The following LRRTM4 variants were observed in gnomAD, a reference collection of about 807,000 sequenced individuals.
LRRTM4 encodes the protein leucine rich repeat transmembrane neuronal 4.
LRRTM4 carries 25 observed loss-of-function variants against 47.6 expected under a neutral mutation model. That is an observed-to-expected ratio of 0.53 (90% CI 0.38 to 0.73). The LOEUF is 0.73. LRRTM4 is among the 30% of genes least tolerant of loss of function. The pLI, the probability that LRRTM4 is intolerant of heterozygous loss-of-function variation, is 0.00. For missense variants in LRRTM4, 638 were observed against 713.4 expected (o/e 0.89, Z 1.20); for synonymous variants, 311 against 269.5 (o/e 1.15, Z -1.51).
rs202070655 is a variant in LRRTM4, at chr2:77,092,540, G to A, written c.1552-343624C>T. ...CTACTACTCCTCAGGGATTATTCAG[G>A]CCCCCTCCTTTCCCTACACATCAAG... On this transcript the variant is annotated intron_variant, in intron 3 of 3. Transcript: ENST00000409884. Among the ~76,000 whole-genome samples, 87 of 136,582 alleles carry A rather than the reference G, an allele frequency of 6.4e-4. 2 individuals carry two copies. Among genetic ancestry groups the A allele is most frequent in the East Asian group, 7.8e-4 (3 of 3,840 alleles). 89.6% of individuals were successfully genotyped at this position (136,582 alleles called of 152,430 possible).
intron 3 of LRRTM4, among the ~76,000 whole-genome samples, chr2:77,446,556 A>G (rs116501427): frequency 0.013 from 2,026 of 152,224 alleles, 36 homozygotes; most frequent in African/African-American, 0.047. Context: ...TGCAATAATT[A>G]GCCCTTTGTG....
intron 3 of LRRTM4, among the ~76,000 whole-genome samples, chr2:77,020,852 A>T (rs1678241641): frequency 6.6e-6 from 1 of 152,286 alleles, no homozygotes; most frequent in African/African-American, 2.4e-5. Flanking sequence ...ACCAAGGATC[A>T]TTTTCTGTCC....
chr2:77,347,532 A>G (rs1671612030), intron 3 of LRRTM4, among the ~76,000 whole-genome samples: 2 of 152,208 alleles, frequency 1.3e-5, no homozygotes, highest in South Asian at 4.1e-4. Flanking sequence ...AATAAAAAAT[A>G]CATAATTTAC....
chr2:77,074,912 AC>A (rs760730413), intron 3 of LRRTM4, among the ~76,000 whole-genome samples: 3 of 122,170 alleles, frequency 2.5e-5, no homozygotes, highest in Non-Finnish European at 4.7e-5. Flanking sequence ...CTTAAGTTTC[AC>A]TTTTTTTCCA....
At chr2:77,456,531 GCTCATTCTCTCTCCAACATC>G (rs1676548951) in intron 3 of LRRTM4, among the ~76,000 whole-genome samples, 2 of 151,866 alleles carry the variant, frequency 1.3e-5, no homozygotes, top group Non-Finnish European at 2.9e-5. Context: ...TCTCCAACAT[GCTCATTCTCTCTCCAACATC>G]CTCATTCTCT....
chr2:77,239,050 T>C (rs1675189736), intron 3 of LRRTM4, among the ~76,000 whole-genome samples: 1 of 151,628 alleles, frequency 6.6e-6, no homozygotes, highest in Admixed American at 6.6e-5. Context: ...CAAAGAGAAA[T>C]CTGAACTAAA....
At position 77,191,170 on chromosome 2, in the gene LRRTM4, A is replaced by G. The variant is rs530106068; in HGVS notation, c.1551+327148T>C. Among the ~76,000 whole-genome samples, 23 of 152,278 alleles carry G rather than the reference A, an allele frequency of 1.5e-4. 1 individual carries two copies. The Middle Eastern group carries it at 0.01, about 68-fold the overall frequency. On this transcript the variant is annotated intron_variant, in intron 3 of 3. Coordinates refer to ENST00000409884, the MANE Select transcript of LRRTM4 (RefSeq NM_001134745.3). ...AAACTTTCAAATGTACACATAGGAC[A>G]TATTCTTTGAACTCCCACAAACAGA...
chr2:76,773,140 T>G (rs955343514), intron 3 of LRRTM4: 1 of 152,228 alleles, frequency 6.6e-6, no homozygotes, highest in African/African-American at 2.4e-5. Context: ...CTGGGAGACA[T>G]CTCTTTGAAA....
intron 3 of LRRTM4, among the ~76,000 whole-genome samples, chr2:77,087,010 G>A (rs563607840): frequency 1.1e-4 from 17 of 152,178 alleles, no homozygotes; most frequent in South Asian, 2.1e-4. Flanking sequence ...AGCTCCCAGC[G>A]TAATATTGCA....
At chr2:77,169,017 T>C (rs1385282454) in intron 3 of LRRTM4, among the ~76,000 whole-genome samples, 1 of 152,156 alleles carries the variant, frequency 6.6e-6, no homozygotes, top group African/African-American at 2.4e-5. Context: ...GCATTTGATA[T>C]AATTCAATAT....
chr2:76,799,300 C>T lies in LRRTM4; in HGVS notation c.1552-50384G>A, dbSNP rs200853246. 9.0e-3 allele frequency among the ~76,000 whole-genome samples: 815 copies of T among 90,980 alleles called. 14 individuals carry two copies. Among genetic ancestry groups the T allele is most frequent in the Middle Eastern group, 0.034 (6 of 174 alleles). 59.7% of individuals were successfully genotyped at this position (90,980 alleles called of 152,430 possible). ...TGGGATGCAAGGCTGGTTCAATATA[C>T]GCAAATCAATAAATGTAATCCAGCA... On this transcript the variant is annotated intron_variant, in intron 3 of 3. Coordinates refer to ENST00000409884, the MANE Select transcript of LRRTM4 (RefSeq NM_001134745.3).
At chr2:76,907,661 A>T (rs1190834841) in intron 3 of LRRTM4, among the ~76,000 whole-genome samples, 1 of 116,750 alleles carries the variant, frequency 8.6e-6, no homozygotes, top group Non-Finnish European at 1.7e-5. Flanking sequence ...TAAAGGGGAT[A>T]TCACCATCGA....
intron 3 of LRRTM4, among the ~76,000 whole-genome samples, chr2:77,304,099 C>T (rs1449363599): frequency 2.0e-5 from 3 of 152,122 alleles, no homozygotes; most frequent in African/African-American, 4.8e-5. Flanking sequence ...TCCTTTTTCT[C>T]CATCAATACA....
chr2:77,323,329 G>A (rs556657462), intron 3 of LRRTM4, among the ~76,000 whole-genome samples: 30 of 152,256 alleles, frequency 2.0e-4, no homozygotes, highest in African/African-American at 6.0e-4. Flanking sequence ...TCTTGAGAAC[G>A]TAATGGGATC....
chr2:76,988,314 T>C (rs1676875211), intron 3 of LRRTM4, among the ~76,000 whole-genome samples: 1 of 151,838 alleles, frequency 6.6e-6, no homozygotes, highest in Admixed American at 6.6e-5. Context: ...CCTTTACATG[T>C]CCGTGGTAGG....
At chr2:76,843,906 TTCA>T (rs1339577761) in intron 3 of LRRTM4, among the ~76,000 whole-genome samples, 2 of 147,256 alleles carry the variant, frequency 1.4e-5, no homozygotes, top group Non-Finnish European at 3.0e-5. Flanking sequence ...TCTTTCTTTT[TTCA>T]TTTTTTTTTT....
chr2:77,270,791 T>G (rs1483712769), intron 3 of LRRTM4, among the ~76,000 whole-genome samples: 1 of 152,198 alleles, frequency 6.6e-6, no homozygotes, highest in East Asian at 1.9e-4. Context: ...AGAATGTGTC[T>G]TCCTGTTTGG....
chr2:76,995,061 G>T (rs1219145817), intron 3 of LRRTM4, among the ~76,000 whole-genome samples: 1 of 151,918 alleles, frequency 6.6e-6, no homozygotes, highest in Admixed American at 6.6e-5. Flanking sequence ...ACTTGAGATT[G>T]GTAGGAGAAA....
chr2:76,944,089 G>A (rs1675245321), intron 3 of LRRTM4, among the ~76,000 whole-genome samples: 1 of 152,088 alleles, frequency 6.6e-6, no homozygotes, highest in East Asian at 1.9e-4. Flanking sequence ...TGTGACCTGT[G>A]ATGTCCTTCA....
Sources: allele counts gnomAD v4.1 joint callset (sites outside exome capture counted in the v4.1 genomes callset), GRCh38; gene constraint gnomAD v4.1.1; transcripts MANE v1.5; gene names NCBI Gene and HGNC (gene_info 2026-07-23, HGNC 2026-07-21).